Variants in NLGN1 observed in about 807,000 individuals in gnomAD.
The protein encoded by NLGN1 is neuroligin-1.
Under a neutral mutation model 65.5 loss-of-function variants are expected in NLGN1, and 12 were observed. That is an observed-to-expected ratio of 0.18 (90% CI 0.12 to 0.30). The LOEUF is 0.30. Ranked by LOEUF, NLGN1 falls within the 10% of genes least tolerant of loss-of-function variation. NLGN1 has a pLI of 1.00. For missense variants in NLGN1, 750 were observed against 1,007.1 expected (o/e 0.74, Z 3.46); for synonymous variants, 350 against 359.5 (o/e 0.97, Z 0.30).
chr3:173,519,084 A>T (rs1734336405), intron 2 of NLGN1, among the ~76,000 whole-genome samples: 1 of 152,202 alleles, frequency 6.6e-6, no homozygotes, highest in Admixed American at 6.5e-5. Flanking sequence ...TCACTGCTTC[A>T]GAGGGTGCAA....
At chr3:173,627,415 C>CAT (rs1234366450) in intron 3 of NLGN1, among the ~76,000 whole-genome samples, 2 of 151,996 alleles carry the variant, frequency 1.3e-5, no homozygotes, top group East Asian at 1.9e-4. Context: ...CACACACACA[C>CAT]ATCACTTTCT....
intron 3 of NLGN1, among the ~76,000 whole-genome samples, chr3:173,737,342 C>T (rs1323833845): frequency 6.6e-6 from 1 of 151,920 alleles, no homozygotes; most frequent in African/African-American, 2.4e-5. Context: ...GTGCAACCAT[C>T]ACCACAATAC....
intron 4 of NLGN1, among the ~76,000 whole-genome samples, chr3:173,999,416 TAG>T (rs1322116734): frequency 2.0e-5 from 3 of 152,154 alleles, no homozygotes; most frequent in African/African-American, 7.2e-5. Flanking sequence ...TAAATAACAT[TAG>T]AGGAGTTCTA....
chr3:174,275,610 C>A, intron 5 of NLGN1, 83 bp downstream of exon 5: 1 of 812,498 alleles, frequency 1.2e-6, no homozygotes, highest in South Asian at 1.5e-5. Flanking sequence ...CTGTATATTT[C>A]TCTGTTCAAA....
At chr3:173,428,115 T>C (rs1716493160) in intron 1 of NLGN1, among the ~76,000 whole-genome samples, 3 of 151,956 alleles carry the variant, frequency 2.0e-5, no homozygotes, top group Non-Finnish European at 2.9e-5. Context: ...TTATCTGATA[T>C]AAGTTTAGCT....
intron 4 of NLGN1, among the ~76,000 whole-genome samples, chr3:173,943,970 G>A (rs1331133525): frequency 6.6e-6 from 1 of 152,164 alleles, no homozygotes; most frequent in African/African-American, 2.4e-5. Flanking sequence ...TTCTAAAGAA[G>A]TGACAAGAAA....
At chr3:173,472,508 A>G (rs1360373032) in intron 2 of NLGN1, among the ~76,000 whole-genome samples, 1 of 152,110 alleles carries the variant, frequency 6.6e-6, no homozygotes, top group Non-Finnish European at 1.5e-5. Context: ...AAAATGGAGA[A>G]TAGTTTCACT....
chr3:174,039,334 T>C (rs1270087688), intron 4 of NLGN1, among the ~76,000 whole-genome samples: 1 of 152,050 alleles, frequency 6.6e-6, no homozygotes, highest in African/African-American at 2.4e-5. Context: ...TATACATGTG[T>C]CATGGTGGTT....
At chr3:173,555,241 A>G (rs145277258) in intron 2 of NLGN1, among the ~76,000 whole-genome samples, 2 of 152,328 alleles carry the variant, frequency 1.3e-5, no homozygotes, top group African/African-American at 2.4e-5. Context: ...TTTTTCCTCT[A>G]TCAATTGAGA....
chr3:174,097,003 A>C (rs2152569985), intron 4 of NLGN1, among the ~76,000 whole-genome samples: 1 of 151,410 alleles, frequency 6.6e-6, no homozygotes, highest in Admixed American at 6.6e-5. Context: ...TTTTTTTTTT[A>C]ACTAATGGCT....
At position 173,627,467 on chromosome 3, in the gene NLGN1, C is replaced by T. The variant is rs149267540; in HGVS notation, c.493+22376C>T. On this transcript the variant is annotated intron_variant, in intron 3 of 6. Transcript: ENST00000457714. ...CAATGCACACTTAGGTTCATTACTA[C>T]CTTGGCTATTGTGAATAATGCTGTA... Among the ~76,000 whole-genome samples, 119 of 152,092 alleles carry T rather than the reference C, an allele frequency of 7.8e-4. 3 individuals are homozygous for T. The East Asian group carries it at 0.019, about 24-fold the overall frequency.
At chr3:173,783,131 A>G (rs1191016244) in intron 3 of NLGN1, among the ~76,000 whole-genome samples, 2 of 152,210 alleles carry the variant, frequency 1.3e-5, no homozygotes, top group African/African-American at 4.8e-5. Context: ...ATTGGGGATG[A>G]GAGGTAGGAA....
chr3:174,226,475 A>G (rs914314885), intron 4 of NLGN1, among the ~76,000 whole-genome samples: 1 of 152,130 alleles, frequency 6.6e-6, no homozygotes, highest in Non-Finnish European at 1.5e-5. Context: ...TTCTTGTACA[A>G]GTAGCATAAC....
intron 4 of NLGN1, among the ~76,000 whole-genome samples, chr3:174,254,947 G>A (rs546365850): frequency 6.6e-6 from 1 of 152,208 alleles, no homozygotes; most frequent in Non-Finnish European, 1.5e-5. Context: ...AAGGTGCTTA[G>A]AAATAGCCAC....
chr3:174,185,776 TC>T (rs1159214318), intron 4 of NLGN1, among the ~76,000 whole-genome samples: 1 of 150,212 alleles, frequency 6.7e-6, no homozygotes, highest in African/African-American at 2.4e-5. Flanking sequence ...TAAAAAAATG[TC>T]AGTAAAGGTA....
chr3:173,801,390 G>A (rs1465571070), intron 3 of NLGN1, among the ~76,000 whole-genome samples: 1 of 151,944 alleles, frequency 6.6e-6, no homozygotes, highest in East Asian at 1.9e-4. Flanking sequence ...CAGAAATCTA[G>A]AAATTAAATC....
At chr3:173,430,297 C>T (rs73883130) in intron 1 of NLGN1, among the ~76,000 whole-genome samples, 4,362 of 152,142 alleles carry the variant, frequency 0.029, 203 homozygotes, top group African/African-American at 0.1. Flanking sequence ...TGGTGATAAT[C>T]TTGGCCCTAG....
At chr3:174,022,721 A>G (rs947260772) in intron 4 of NLGN1, among the ~76,000 whole-genome samples, 8 of 151,848 alleles carry the variant, frequency 5.3e-5, no homozygotes, top group African/African-American at 1.9e-4. Flanking sequence ...TTTTTTCTGG[A>G]AGAATTTTCG....
intron 4 of NLGN1, among the ~76,000 whole-genome samples, chr3:173,923,020 G>A (rs1742330023): frequency 6.6e-6 from 1 of 151,860 alleles, no homozygotes; most frequent in African/African-American, 2.4e-5. Flanking sequence ...TATCATCATC[G>A]TCATTATTGT....
Sources: gnomAD v4.1 joint callset for allele counts (sites outside exome capture counted in the v4.1 genomes callset) on GRCh38, gnomAD v4.1.1 for gene constraint, MANE v1.5 for transcripts, NCBI Gene and HGNC (gene_info 2026-07-23, HGNC 2026-07-21) for gene names.